Variants in CCDC40 observed in about 807,000 individuals in gnomAD.
The protein encoded by CCDC40 is coiled-coil domain-containing protein 40.
A neutral mutation model predicts 124.5 loss-of-function variants in CCDC40; 104 were observed. The observed-to-expected ratio is 0.84, with a 90% CI of 0.71 to 0.98. The LOEUF is 0.98. Among genes scored for constraint, CCDC40 ranks in the 50% least tolerant of loss-of-function variants. The pLI, the probability that CCDC40 is intolerant of heterozygous loss-of-function variation, is 0.00. For synonymous variants in CCDC40, 580 were observed against 602.9 expected (o/e 0.96, Z 0.56); for missense variants, 1,463 against 1,503.9 (o/e 0.97, Z 0.45).
intron 12 of CCDC40, among the ~76,000 whole-genome samples, chr17:80,084,374 T>G (rs917809462): frequency 6.6e-6 from 1 of 152,114 alleles, no homozygotes; most frequent in Non-Finnish European, 1.5e-5. Context: ...CTCACTATCA[T>G]GAGAACAGCA....
At position 80,039,820 on chromosome 17, in the gene CCDC40, A is replaced by C. The variant is rs1331405629; in HGVS notation, c.102A>C (p.Pro34=). Residue 34 remains proline (P), a synonymous_variant, in exon 3 of 20, where the codon CCA becomes CCC. Transcript: ENST00000397545. ...EGNNESHMVS[P]PEKDDGQKGE... is the part of the protein sequence containing the mutation. ...CTGCCACACCTTTACAGGTGTCACC[A>C]CCAGAGAAGGATGATGGCCAGAAAG... 6.2e-7 allele frequency: 1 copy of C among 1,613,208 alleles called. No individual in the cohort carries two copies. The highest frequency in any genetic ancestry group is 1.3e-5 in the African/African-American group (1 of 74,824).
rs1048415457 is a variant in CCDC40, at chr17:80,087,447, G to A, written c.2450-160G>A. 5.7e-6 allele frequency: 4 copies of A among 695,842 alleles called. No homozygotes were observed. In the East Asian group the frequency reaches 1.1e-4, roughly 19 times the overall value. 43.1% of individuals were successfully genotyped at this position (695,842 alleles called of 1,614,324 possible). The stretch of plus-strand genomic sequence containing the variant: ...CTCTCCTCTCCTCTGTCCTGGCAGG[G>A]ACGAGATTCAGGCAGGAGCGCCAGG... On this transcript the variant is annotated intron_variant, in intron 14 of 19. Transcript: ENST00000397545. The surrounding 1 kb of genome is among the most constrained non-coding windows in gnomAD (Gnocchi z 4.5).
At chr17:80,080,490 G>A (rs1325113292) in intron 10 of CCDC40, among the ~76,000 whole-genome samples, 1 of 152,200 alleles carries the variant, frequency 6.6e-6, no homozygotes, top group African/African-American at 2.4e-5. Flanking sequence ...GCAGCATGCC[G>A]AGGGGAAAGA....
intron 17 of CCDC40, chr17:80,092,058 G>T (rs2038733328): frequency 6.6e-6 from 1 of 151,972 alleles, no homozygotes; most frequent in Non-Finnish European, 1.5e-5. Context: ...TTGTCTTTGA[G>T]ACAGACTCTC....
rs201142020 is a variant in CCDC40, at chr17:80,060,492, C to CA, written c.1440+1525dup. Reference sequence around the variant, plus strand: ...GGAGGATCACTTAAGCCCGGGAGGTCAAAAAAAAAAAAAGAACAACAACAC... The same window carrying CA: ...GGAGGATCACTTAAGCCCGGGAGGTCAAAAAAAAAAAAAAGAACAACAACAC... On this transcript the variant is annotated intron_variant, in intron 9 of 19. Transcript: ENST00000397545. 5.4e-3 allele frequency among the ~76,000 whole-genome samples: 655 copies of CA among 121,640 alleles called. 5 individuals are homozygous for CA. Among genetic ancestry groups the CA allele is most frequent in the Middle Eastern group, 0.017 (4 of 242 alleles). 79.8% of individuals were successfully genotyped at this position (121,640 alleles called of 152,430 possible).
Position 80,040,056 on chromosome 17 carries a change from C to G in CCDC40, c.338C>G (p.Thr113Ser). Residue 113 changes from threonine to serine, a missense_variant, in exon 3 of 20, where the codon ACT becomes AGT. Thr to Ser is a moderately conservative substitution (Grantham distance 58). Transcript: ENST00000397545. ...GGGCAAATCAGTGCTGCAGATACGACTTACCCGTATTTCAGTCCTCCTCAG... is the reference window on the plus strand; with the variant it reads ...GGGCAAATCAGTGCTGCAGATACGAGTTACCCGTATTTCAGTCCTCCTCAG... ...PEGQISAADTTYPYFSPPQEL... is the reference protein window; with the variant it reads ...PEGQISAADTSYPYFSPPQEL... 1 of 1,613,950 alleles carries G rather than the reference C, an allele frequency of 6.2e-7. No homozygotes were observed. The highest frequency in any genetic ancestry group is 8.5e-7 in the Non-Finnish European group (1 of 1,179,772).
At chr17:80,098,813 C>T (rs1037420787) in intron 19 of CCDC40, 2 of 151,528 alleles carry the variant, frequency 1.3e-5, no homozygotes, top group Non-Finnish European at 2.9e-5. Flanking sequence ...GTGGCGGGCG[C>T]CTGTAATCTC....
chr17:80,091,326 C>G (rs866557089), intron 17 of CCDC40, among the ~76,000 whole-genome samples: 1 of 121,768 alleles, frequency 8.2e-6, no homozygotes, highest in African/African-American at 3.9e-5. Context: ...CACACACACA[C>G]ACACACACAC....
At chr17:80,085,666 CTT>C (rs5822324) in intron 13 of CCDC40, among the ~76,000 whole-genome samples, 4,489 of 109,920 alleles carry the variant, frequency 0.041, 166 homozygotes, top group African/African-American at 0.13. Flanking sequence ...GCTAATTTTG[CTT>C]TTTTTTTTTT....
Position 80,065,471 on chromosome 17 carries a change from C to A in CCDC40, c.1441-14C>A. The A allele has an allele frequency of 6.2e-7, 1 of 1,612,184 alleles. No homozygotes were observed. Among genetic ancestry groups the A allele is most frequent in the South Asian group, 1.1e-5 (1 of 91,020 alleles). ...TGAGACAGCCATTCCTGCCCCCTCC[C>A]CTGTTGGCTGCAGGCCTGCACCGAG... On this transcript the variant is annotated splice_polypyrimidine_tract_variant and intron_variant, in intron 9 of 19. Coordinates refer to ENST00000397545, the MANE Select transcript of CCDC40 (RefSeq NM_017950.4).
intron 9 of CCDC40, among the ~76,000 whole-genome samples, chr17:80,060,819 AATT>A (rs1568686936): frequency 6.6e-6 from 1 of 152,260 alleles, no homozygotes; most frequent in Non-Finnish European, 1.5e-5. Flanking sequence ...GTAGATTATA[AATT>A]ACCAGAGAGC....
chr17:80,079,767 C>CA (rs34238595), intron 10 of CCDC40, among the ~76,000 whole-genome samples: 79,763 of 136,532 alleles, frequency 0.58, 23,760 homozygotes, highest in Middle Eastern at 0.73. Context: ...ACTAAAAATA[C>CA]AAAAAAAAAA....
At position 80,089,863 on chromosome 17, in the gene CCDC40, G is replaced by T. The variant is rs1398846374; in HGVS notation, c.2811G>T (p.Lys937Asn). The T allele has an allele frequency of 6.2e-7, 1 of 1,614,262 alleles. No homozygotes were observed. Among genetic ancestry groups the T allele is most frequent in the East Asian group, 2.2e-5 (1 of 44,888 alleles). The change falls in exon 17 of 20, where the codon AAG (lysine) becomes AAT (asparagine). Residue 937 changes from lysine (K) to asparagine (N), a missense_variant. Coordinates refer to ENST00000397545, the MANE Select transcript of CCDC40 (RefSeq NM_017950.4). The part of the protein sequence containing the change: ...EIGQTEIRAM[K>N]GEIHRMKVRL... ...GCCAGACGGAGATCCGGGCCATGAA[G>T]GGCGAGATCCACAGGATGAAGGTGA...
chr17:80,092,037 T>G (rs1368722005), intron 17 of CCDC40: 1 of 152,282 alleles, frequency 6.6e-6, no homozygotes, highest in East Asian at 1.9e-4. Flanking sequence ...TTTGTCTGTT[T>G]GTTTTTTGTT....
chr17:80,099,847 G>A lies in CCDC40; in HGVS notation c.*72G>A. The A allele has an allele frequency of 2.6e-6, 4 of 1,557,988 alleles. No homozygotes were observed. Among genetic ancestry groups the A allele is most frequent in the Non-Finnish European group, 3.5e-6 (4 of 1,143,950 alleles). On this transcript the variant is annotated 3_prime_UTR_variant, in exon 20 of 20. Transcript: ENST00000397545. ...GAATTGTGTTTGTCATGAGGGACTT[G>A]GAATCTTTTGTGTTCCTAAAAACCA...
intron 3 of CCDC40, among the ~76,000 whole-genome samples, chr17:80,041,962 G>T (rs886345899): frequency 6.6e-6 from 1 of 152,114 alleles, no homozygotes; most frequent in East Asian, 1.9e-4. Flanking sequence ...GATTTTGTGG[G>T]AAGGTGCTTT....
rs1164846297 is a variant in CCDC40, at chr17:80,095,449, A to G, written c.3019A>G (p.Lys1007Glu). 6.2e-7 allele frequency: 1 copy of G among 1,614,012 alleles called. No homozygotes were observed. The highest frequency in any genetic ancestry group is 8.5e-7 in the Non-Finnish European group (1 of 1,180,016). The change falls in exon 18 of 20, where the codon AAG (lysine) becomes GAG (glutamate). Residue 1007 changes from lysine to glutamate, a missense_variant and splice_region_variant. Coordinates refer to ENST00000397545, the MANE Select transcript of CCDC40 (RefSeq NM_017950.4). ...ELRRKIRDVRKATDECTKTVL... is the reference protein window; with the variant it reads ...ELRRKIRDVREATDECTKTVL... Reference sequence around the variant, plus strand: ...GCGCCGGAAAATCAGGGACGTTCGCAAGGTAGGGAGCAGCGGAAAGGAAAC... The same window carrying G: ...GCGCCGGAAAATCAGGGACGTTCGCGAGGTAGGGAGCAGCGGAAAGGAAAC...
In CCDC40 at chr17:80,086,135, G is replaced by C; in HGVS notation, c.2368G>C (p.Glu790Gln). Reference protein sequence around the residue: ...LQQEMVKVTQEQEEQLASLDA... With the variant: ...LQQEMVKVTQQQEEQLASLDA... ...GCAGGAGATGGTCAAGGTGACACAG[G>C]AGCAGGAGGAGCAGCTGGCCTCCCT... Residue 790 changes from glutamate to glutamine, a missense_variant, in exon 14 of 20, where the codon GAG (glutamate) becomes CAG (glutamine). By Grantham distance (29) the Glu-to-Gln change is conservative (BLOSUM62 2). Transcript: ENST00000397545. This position sits in a 1 kb window ranked among gnomAD's most constrained non-coding sequence, Gnocchi z 5.5. The C allele has an allele frequency of 5.6e-6, 9 of 1,614,126 alleles. No homozygotes were observed. The highest frequency in any genetic ancestry group is 7.6e-6 in the Non-Finnish European group (9 of 1,180,016).
chr17:80,064,729 C>T (rs1196711886), intron 9 of CCDC40, among the ~76,000 whole-genome samples: 6 of 151,828 alleles, frequency 4.0e-5, no homozygotes, highest in Admixed American at 6.6e-5. Flanking sequence ...CTCACTGCCC[C>T]CCACGATGCC....
Sources: gnomAD v4.1 joint callset for allele counts (sites outside exome capture counted in the v4.1 genomes callset) on GRCh38, gnomAD v4.1.1 for gene constraint, Gnocchi (gnomAD v3.1) non-coding constraint, MANE v1.5 for transcripts, NCBI Gene and HGNC (gene_info 2026-07-23, HGNC 2026-07-21) for gene names.